Variants in DUS2 observed in about 807,000 individuals in gnomAD.
DUS2 encodes the protein tRNA-dihydrouridine(20) synthase [NAD(P)+]-like.
Under a neutral mutation model 71.3 loss-of-function variants are expected in DUS2, and 52 were observed. That is an observed-to-expected ratio of 0.73 (90% CI 0.58 to 0.92). The LOEUF is 0.92. Among genes scored for constraint, DUS2 ranks in the 40% least tolerant of loss-of-function variants. The probability of loss-of-function intolerance (pLI) is 0.00; values close to 1 mark genes in which losing one functional copy is unlikely to be tolerated. For synonymous variants in DUS2, 204 were observed against 227.8 expected (o/e 0.90, Z 0.94); for missense variants, 558 against 622.6 (o/e 0.90, Z 1.10).
At position 68,033,749 on chromosome 16, in the gene DUS2, A is replaced by C. The variant is rs995220088; in HGVS notation, c.-18-4257A>C. On this transcript the variant is annotated intron_variant, in intron 2 of 16. Transcript: ENST00000565263. The stretch of plus-strand genomic sequence containing the variant: ...TGGGTTCAAGTGATTCTCTTGCCTC[A>C]GCCTCCTGAGTAGCTGGGATTACAG... Among the ~76,000 whole-genome samples, 3 of 148,520 alleles carry C rather than the reference A, an allele frequency of 2.0e-5. No individual in the cohort carries two copies. The East Asian group carries it at 6.1e-4, about 30-fold the overall frequency.
intron 10 of DUS2, among the ~76,000 whole-genome samples, chr16:68,069,336 C>T (rs541852025): frequency 3.3e-5 from 5 of 152,180 alleles, no homozygotes; most frequent in Admixed American, 2.6e-4. Flanking sequence ...TGCAGTGAGC[C>T]GAGATTGCAC....
chr16:68,054,441 AAG>A (rs2033821383), intron 5 of DUS2, 131 bp from the exon 6 acceptor site: 7 of 989,980 alleles, frequency 7.1e-6, no homozygotes. Flanking sequence ...CTGGCTGTTT[AAG>A]AGAAAGCCAG....
rs2151426893 is a variant in DUS2 at position 68,075,350 on chromosome 16, C to T, written c.933-5C>T. 1.9e-6 allele frequency: 3 copies of T among 1,599,484 alleles called. No individual in the cohort carries two copies. Among genetic ancestry groups the T allele is most frequent in the Non-Finnish European group, 2.6e-6 (3 of 1,172,346 alleles). ...GTTTGCTCTGATCTGCTTCTTCCTCCCTAGTGAGGCCTTTGGCCTTGGTGC... is the reference window on the plus strand; with the variant it reads ...GTTTGCTCTGATCTGCTTCTTCCTCTCTAGTGAGGCCTTTGGCCTTGGTGC... On this transcript the variant is annotated splice_polypyrimidine_tract_variant and splice_region_variant and intron_variant, in intron 13 of 16. Coordinates refer to ENST00000565263, the MANE Select transcript of DUS2 (RefSeq NM_017803.5).
chr16:68,045,526 G>A (rs572314527), intron 3 of DUS2, among the ~76,000 whole-genome samples: 2 of 151,172 alleles, frequency 1.3e-5, no homozygotes, highest in Non-Finnish European at 3.0e-5. Flanking sequence ...GAGGAGAATC[G>A]CTCGAACCCA....
At chr16:68,029,877 T>C (rs949891629) in intron 2 of DUS2, among the ~76,000 whole-genome samples, 2 of 151,092 alleles carry the variant, frequency 1.3e-5, no homozygotes, top group African/African-American at 4.9e-5. Context: ...CTGAGGCAGG[T>C]GGAGTACCTA....
At chr16:68,044,423 T>G (rs1308455430) in intron 3 of DUS2, among the ~76,000 whole-genome samples, 7 of 146,318 alleles carry the variant, frequency 4.8e-5, no homozygotes, top group East Asian at 2.0e-4. Context: ...TGAGATGAGG[T>G]CTCACTCTGT....
chr16:68,056,244 G>A, intron 6 of DUS2, 120 bp from the exon 7 acceptor site: 1 of 783,132 alleles, frequency 1.3e-6, no homozygotes, highest in Non-Finnish European at 2.1e-6. Context: ...GGGTTGGTGT[G>A]TTTCATAGAG....
chr16:68,055,024 C>CAAGCGAG (rs2033832129), intron 6 of DUS2, among the ~76,000 whole-genome samples: 1 of 150,764 alleles, frequency 6.6e-6, no homozygotes, highest in Admixed American at 6.6e-5. Flanking sequence ...GCCTGGTGAC[C>CAAGCGAG]AAGCGAGACT....
In DUS2 at chr16:68,027,470, C is replaced by T. The variant is rs184915784; in HGVS notation, c.-19+1976C>T. ...TCAGGCTGGTCTGGTCTCAAACTCC[C>T]GACTTTAGGTAATCCGCCTGCCTTG... On this transcript the variant is annotated intron_variant, in intron 2 of 16. Transcript: ENST00000565263. 5.3e-3 allele frequency among the ~76,000 whole-genome samples: 810 copies of T among 152,276 alleles called. 2 individuals carry two copies. Among genetic ancestry groups the T allele is most frequent in the African/African-American group, 9.1e-3 (380 of 41,566 alleles).
intron 8 of DUS2, 39 bp from the exon 9 acceptor site, chr16:68,066,278 C>T (rs773009677): frequency 6.9e-6 from 11 of 1,597,416 alleles, no homozygotes; most frequent in Non-Finnish European, 9.4e-6. Flanking sequence ...ATGGTTTGTT[C>T]CAGAAGACAT....
chr16:68,036,482 T>C (rs2033529921), intron 2 of DUS2, among the ~76,000 whole-genome samples: 1 of 151,598 alleles, frequency 6.6e-6, no homozygotes, highest in African/African-American at 2.4e-5. Context: ...TTTTTGTATT[T>C]TTAGTAGAGA....
At chr16:68,060,124 G>A (rs1292443506) in intron 7 of DUS2, among the ~76,000 whole-genome samples, 1 of 152,114 alleles carries the variant, frequency 6.6e-6, no homozygotes, top group Non-Finnish European at 1.5e-5. Context: ...ATAGGAAGAA[G>A]GCACATTTGA....
intron 6 of DUS2, among the ~76,000 whole-genome samples, 155 bp from the exon 7 acceptor site, chr16:68,056,209 C>T (rs2033848965): frequency 6.6e-6 from 1 of 152,048 alleles, no homozygotes; most frequent in Non-Finnish European, 1.5e-5. Flanking sequence ...GGGTTTCTTT[C>T]CCATTTTTCA....
At chr16:68,067,048 TTCCCTCCC>T (rs1449802764) in intron 10 of DUS2, among the ~76,000 whole-genome samples, 1 of 63,192 alleles carries the variant, frequency 1.6e-5, no homozygotes, top group Non-Finnish European at 2.7e-5. Context: ...CCTTCCTTCC[TTCCCTCCC>T]TCCCTCCCTT....
At chr16:68,037,069 T>G (rs945918980) in intron 2 of DUS2, among the ~76,000 whole-genome samples, 1 of 151,952 alleles carries the variant, frequency 6.6e-6, no homozygotes, top group East Asian at 1.9e-4. Context: ...TTGCCTATAC[T>G]CTCTGGCTAG....
At chr16:68,075,239 G>A in intron 13 of DUS2, 116 bp from the exon 14 acceptor site, 1 of 965,598 alleles carries the variant, frequency 1.0e-6, no homozygotes, top group Non-Finnish European at 1.4e-6. Flanking sequence ...AGGCCCCGGT[G>A]GTGTTTTGGT....
Position 68,076,734 on chromosome 16 carries a change from G to A in DUS2, c.1170+15G>A, listed in dbSNP as rs1444348620. ...TGTATGAAACGGTGAGTTCCTGGCTGTGGCCTGCCCTGCAGCCAGTCACAG... is the reference window on the plus strand; with the variant it reads ...TGTATGAAACGGTGAGTTCCTGGCTATGGCCTGCCCTGCAGCCAGTCACAG... On this transcript the variant is annotated intron_variant, in intron 15 of 16. Transcript: ENST00000565263. 2 of 1,609,564 alleles carry A rather than the reference G, an allele frequency of 1.2e-6. No homozygotes were observed. Among genetic ancestry groups the A allele is most frequent in the African/African-American group, 1.3e-5 (1 of 74,808 alleles).
intron 2 of DUS2, among the ~76,000 whole-genome samples, chr16:68,029,919 A>C (rs781622026): frequency 2.7e-5 from 4 of 149,694 alleles, no homozygotes; most frequent in African/African-American, 4.9e-5. Context: ...ATGCCCCGCT[A>C]ATTTTTTGTA....
chr16:68,049,687 G>T, intron 4 of DUS2, 137 bp downstream of exon 4: 1 of 791,018 alleles, frequency 1.3e-6, no homozygotes, highest in East Asian at 2.5e-5. Context: ...TCCCTTGAGA[G>T]CAGTCACTGA....
Sources: gnomAD v4.1 joint callset for allele counts (sites outside exome capture counted in the v4.1 genomes callset) on GRCh38, gnomAD v4.1.1 for gene constraint, MANE v1.5 for transcripts, NCBI Gene and HGNC (gene_info 2026-07-23, HGNC 2026-07-21) for gene names.